PLA2G4A: variants seen among roughly 807,000 people sequenced by gnomAD.
The protein encoded by PLA2G4A is phospholipase A2 group IVA, also known as cytosolic phospholipase A2.
A neutral mutation model predicts 81.9 loss-of-function variants in PLA2G4A; 40 were observed. The ratio of observed to expected loss-of-function variants is 0.49; its 90% CI spans 0.38 to 0.64. PLA2G4A has a LOEUF of 0.64. Ranked by LOEUF, PLA2G4A falls within the 30% of genes least tolerant of loss-of-function variation. The probability of loss-of-function intolerance (pLI) is 0.00; values close to 1 mark genes in which losing one functional copy is unlikely to be tolerated. For missense variants in PLA2G4A, 715 were observed against 905.1 expected (o/e 0.79, Z 2.69); for synonymous variants, 302 against 296.9 (o/e 1.02, Z -0.18).
At chr1:186,888,726 A>G (rs905878827) in intron 3 of PLA2G4A, among the ~76,000 whole-genome samples, 2 of 152,146 alleles carry the variant, frequency 1.3e-5, no homozygotes, top group Non-Finnish European at 2.9e-5. Flanking sequence ...GTAGGCACTC[A>G]TGTATTTGTT....
chr1:186,912,798 A>ATACT (rs1558430421), intron 7 of PLA2G4A, among the ~76,000 whole-genome samples: 2 of 134,540 alleles, frequency 1.5e-5, no homozygotes, highest in Admixed American at 7.3e-5. Context: ...ATATATATGT[A>ATACT]TATATATATA....
At chr1:186,933,768 T>G (rs1655834624) in intron 8 of PLA2G4A, among the ~76,000 whole-genome samples, 1 of 152,194 alleles carries the variant, frequency 6.6e-6, no homozygotes, top group African/African-American at 2.4e-5. Context: ...TTATTCATTT[T>G]TATGCTGAAG....
At chr1:186,895,935 T>C (rs1327616329) in intron 5 of PLA2G4A, among the ~76,000 whole-genome samples, 1 of 152,044 alleles carries the variant, frequency 6.6e-6, no homozygotes, top group African/African-American at 2.4e-5. Context: ...TCTAAGGGAA[T>C]CATTATGATT....
At position 186,834,641 on chromosome 1, in the gene PLA2G4A, A is replaced by G. The variant is rs186477203; in HGVS notation, c.-70+5606A>G. Among the ~76,000 whole-genome samples the G allele has an allele frequency of 1.5e-3, 231 of 152,226 alleles. 1 individual carries two copies. The highest frequency in any genetic ancestry group is 5.1e-3 in the African/African-American group (210 of 41,550). On this transcript the variant is annotated intron_variant, in intron 1 of 17. Coordinates refer to ENST00000367466, the MANE Select transcript of PLA2G4A (RefSeq NM_024420.3). Reference sequence around the variant, plus strand: ...AATAGGGGAGGTTGTGCAATTTTGGAACTACATAGTACTTTGTACAGTAGT... The same window carrying G: ...AATAGGGGAGGTTGTGCAATTTTGGGACTACATAGTACTTTGTACAGTAGT...
intron 1 of PLA2G4A, among the ~76,000 whole-genome samples, chr1:186,843,439 C>T (rs1384775773): frequency 1.3e-5 from 2 of 152,168 alleles, no homozygotes; most frequent in Non-Finnish European, 2.9e-5. Flanking sequence ...GCTTATTCAT[C>T]CTTCAGTCAA....
intron 3 of PLA2G4A, among the ~76,000 whole-genome samples, chr1:186,871,503 C>T (rs999857705): frequency 6.6e-6 from 1 of 152,064 alleles, no homozygotes; most frequent in African/African-American, 2.4e-5. Flanking sequence ...GGGTTCCCAG[C>T]CCAAATGACA....
At chr1:186,908,634 T>G (rs1654824582) in intron 6 of PLA2G4A, among the ~76,000 whole-genome samples, 1 of 152,008 alleles carries the variant, frequency 6.6e-6, no homozygotes, top group African/African-American at 2.4e-5. Flanking sequence ...TGGAAATTAT[T>G]TCAATATTTA....
At chr1:186,934,443 C>CACATATATATATAT (rs372931067) in intron 8 of PLA2G4A, among the ~76,000 whole-genome samples, 2 of 99,564 alleles carry the variant, frequency 2.0e-5, no homozygotes, top group Non-Finnish European at 3.8e-5. Context: ...TAAATGTGCA[C>CACATATATATATAT]ATATATATAT....
chr1:186,968,687 C>T (rs946936868), intron 15 of PLA2G4A, among the ~76,000 whole-genome samples: 7 of 151,730 alleles, frequency 4.6e-5, no homozygotes, highest in Non-Finnish European at 1.0e-4. Context: ...CCACCTTTTT[C>T]TGTAATCATT....
chr1:186,968,282 T>C (rs1019709620), intron 15 of PLA2G4A, among the ~76,000 whole-genome samples: 5 of 152,082 alleles, frequency 3.3e-5, no homozygotes, highest in African/African-American at 9.7e-5. Context: ...GACTCATTAT[T>C]TGTGATTAAG....
In PLA2G4A at chr1:186,845,916, G is replaced by A. The variant is rs535144245; in HGVS notation, c.-69-8370G>A. Among the ~76,000 whole-genome samples the A allele has an allele frequency of 3.9e-5, 6 of 151,988 alleles. No individual in the cohort carries two copies. In the South Asian group the frequency reaches 1.0e-3, roughly 26 times the overall value. ...CTGAAAGTTTCTAATTACAGGGCAGGGAAAGGAAAAAAAGAAAGGAAGAAA... is the reference window on the plus strand; with the variant it reads ...CTGAAAGTTTCTAATTACAGGGCAGAGAAAGGAAAAAAAGAAAGGAAGAAA... On this transcript the variant is annotated intron_variant, in intron 1 of 17. Coordinates refer to ENST00000367466, the MANE Select transcript of PLA2G4A (RefSeq NM_024420.3).
At chr1:186,874,682 C>T (rs1303783203) in intron 3 of PLA2G4A, among the ~76,000 whole-genome samples, 6 of 151,964 alleles carry the variant, frequency 3.9e-5, no homozygotes, top group Non-Finnish European at 7.4e-5. Flanking sequence ...GTGGATCTAA[C>T]TTTACTTAAG....
At chr1:186,877,413 CAAGAAT>C (rs1256924234) in intron 3 of PLA2G4A, among the ~76,000 whole-genome samples, 2 of 151,880 alleles carry the variant, frequency 1.3e-5, no homozygotes, top group East Asian at 3.9e-4. Context: ...TTGTATGAAC[CAAGAAT>C]ATTCTTTTGG....
At chr1:186,880,446 C>G (rs1266244806) in intron 3 of PLA2G4A, among the ~76,000 whole-genome samples, 2 of 151,842 alleles carry the variant, frequency 1.3e-5, no homozygotes, top group Non-Finnish European at 2.9e-5. Context: ...TGCAGTGGTT[C>G]TAAACTGGGA....
intron 1 of PLA2G4A, among the ~76,000 whole-genome samples, chr1:186,833,264 C>A (rs1651661650): frequency 6.6e-6 from 1 of 152,062 alleles, no homozygotes; most frequent in Non-Finnish European, 1.5e-5. Context: ...GATATGGTGG[C>A]ATGCACCTGT....
At chr1:186,974,520 A>C (rs1324762891) in intron 15 of PLA2G4A, among the ~76,000 whole-genome samples, 1 of 152,198 alleles carries the variant, frequency 6.6e-6, no homozygotes, top group African/African-American at 2.4e-5. Flanking sequence ...GAGCACAGAC[A>C]TCTTACGAAG....
At chr1:186,934,790 C>T (rs1205434395) in intron 8 of PLA2G4A, among the ~76,000 whole-genome samples, 1 of 151,768 alleles carries the variant, frequency 6.6e-6, no homozygotes, top group Non-Finnish European at 1.5e-5. Flanking sequence ...GTGCTTCTTT[C>T]TAATTGTTCC....
intron 7 of PLA2G4A, among the ~76,000 whole-genome samples, chr1:186,929,567 C>T (rs1176644209): frequency 6.6e-6 from 1 of 151,794 alleles, no homozygotes; most frequent in African/African-American, 2.4e-5. Context: ...TAAACTGAGC[C>T]CACAGAGTGT....
intron 2 of PLA2G4A, among the ~76,000 whole-genome samples, chr1:186,857,712 A>G (rs4651334): frequency 0.77 from 116,120 of 150,898 alleles, 45,216 homozygotes; most frequent in Middle Eastern, 0.85. Context: ...TTAACTCATC[A>G]TTTACATTAG....
Sources: gnomAD v4.1 joint callset for allele counts (sites outside exome capture counted in the v4.1 genomes callset) on GRCh38, gnomAD v4.1.1 for gene constraint, MANE v1.5 for transcripts, NCBI Gene and HGNC (gene_info 2026-07-23, HGNC 2026-07-21) for gene names.